The following IFRD1 variants were observed in gnomAD, a reference collection of about 807,000 sequenced individuals.
The protein encoded by IFRD1 is interferon-related developmental regulator 1.
Under a neutral mutation model 52.9 loss-of-function variants are expected in IFRD1, and 35 were observed. The ratio of observed to expected loss-of-function variants is 0.66; its 90% CI spans 0.51 to 0.88. IFRD1 has a LOEUF of 0.88. IFRD1 is among the 40% of genes least tolerant of loss of function. The probability of loss-of-function intolerance (pLI) is 0.00; values close to 1 mark genes in which losing one functional copy is unlikely to be tolerated. For synonymous variants in IFRD1, 184 were observed against 188.4 expected, an observed-to-expected ratio of 0.98 and a Z score of 0.19; for missense variants, 517 against 550.8, an observed-to-expected ratio of 0.94 and a Z score of 0.61.
At chr7:112,452,440 C>T in intron 1 of IFRD1, 1 of 982,664 alleles carries the variant, frequency 1.0e-6, no homozygotes, top group Non-Finnish European at 1.2e-6. Flanking sequence ...GGTGCCTGGT[C>T]TGAGGATATT....
chr7:112,454,262 C>T (rs889008610), intron 1 of IFRD1, among the ~76,000 whole-genome samples: 2 of 151,818 alleles, frequency 1.3e-5, no homozygotes, highest in South Asian at 2.1e-4. Flanking sequence ...GGTGCTATCT[C>T]GGCTCACTGC....
At position 112,466,190 on chromosome 7, in the gene IFRD1, G is replaced by A. The variant is rs73201477; in HGVS notation, c.907-1791G>A. Among the ~76,000 whole-genome samples the A allele has an allele frequency of 8.3e-3, 1,254 of 151,996 alleles. 12 individuals are homozygous for A. The highest frequency in any genetic ancestry group is 0.012 in the Non-Finnish European group (791 of 67,970). Reference sequence around the variant, plus strand: ...AATTATCGTAAAGTCCTATTAATAGGCTTTTGGAAGCTGTTTATGGACTTT... The same window carrying A: ...AATTATCGTAAAGTCCTATTAATAGACTTTTGGAAGCTGTTTATGGACTTT... On this transcript the variant is annotated intron_variant, in intron 8 of 11. Coordinates refer to ENST00000403825, the MANE Select transcript of IFRD1 (RefSeq NM_001550.4).
intron 1 of IFRD1, among the ~76,000 whole-genome samples, chr7:112,430,083 A>G (rs144913541): frequency 2.3e-4 from 35 of 152,302 alleles, no homozygotes; most frequent in Admixed American, 3.9e-4. Context: ...GCAGAGCCCT[A>G]AGGGCTTCTT....
At position 112,450,598 on chromosome 7, in the gene IFRD1, C is replaced by T; in HGVS notation, c.-91C>T. On this transcript the variant is annotated 5_prime_UTR_variant, in exon 1 of 12. Coordinates refer to ENST00000403825, the MANE Select transcript of IFRD1 (RefSeq NM_001550.4). ...GTTAGCCGAAGACTCGCCTCTCAGCCGCCCGCCGCACAGACGCACGAGTAA... is the reference window on the plus strand; with the variant it reads ...GTTAGCCGAAGACTCGCCTCTCAGCTGCCCGCCGCACAGACGCACGAGTAA... 9.6e-7 allele frequency: 1 copy of T among 1,036,920 alleles called. No individual in the cohort carries two copies. The highest frequency in any genetic ancestry group is 1.5e-6 in the Non-Finnish European group (1 of 665,338). 64.2% of individuals were successfully genotyped at this position (1,036,920 alleles called of 1,614,324 possible). A position where few individuals can be genotyped will look rare whatever the true frequency, so the allele number is the denominator to read the frequency against.
rs756391593 is a variant in IFRD1, at chr7:112,455,796, A to G, written c.128A>G (p.Asp43Gly). 3.1e-6 allele frequency: 5 copies of G among 1,613,142 alleles called. No individual in the cohort carries two copies. The highest frequency in any genetic ancestry group is 2.2e-5 in the East Asian group (1 of 44,858). Residue 43 changes from aspartate to glycine, a missense_variant, in exon 2 of 12, where the codon GAT becomes GGT. Physicochemically the swap from Asp to Gly is moderately conservative, Grantham distance 94. Transcript: ENST00000403825. Reference protein sequence around the residue: ...GQHRNVQPFSDEDASIETMSH... With the variant: ...GQHRNVQPFSGEDASIETMSH... ...CATCGAAATGTTCAGCCTTTTAGTG[A>G]TGAAGATGCATCAATTGAAACAATG...
At chr7:112,435,659 T>TGTGTGTGTGC (rs1404165286) in intron 1 of IFRD1, 3 of 151,122 alleles carry the variant, frequency 2.0e-5, no homozygotes, top group Admixed American at 1.3e-4. Flanking sequence ...TGTGTGTGCG[T>TGTGTGTGTGC]GCTTGTAAAA....
chr7:112,465,218 T>G (rs1795577957), intron 8 of IFRD1, among the ~76,000 whole-genome samples: 1 of 152,138 alleles, frequency 6.6e-6, no homozygotes, highest in South Asian at 2.1e-4. Context: ...ATTTTAATAT[T>G]AGGCTTTTGT....
chr7:112,469,119 A>T (rs67523617), intron 9 of IFRD1, among the ~76,000 whole-genome samples: 5 of 151,918 alleles, frequency 3.3e-5, no homozygotes, highest in Non-Finnish European at 7.4e-5. Flanking sequence ...TGTGTTTCTT[A>T]GATTATTGCT....
chr7:112,436,129 A>T (rs1172522715), intron 1 of IFRD1, among the ~76,000 whole-genome samples: 1 of 152,008 alleles, frequency 6.6e-6, no homozygotes, highest in Non-Finnish European at 1.5e-5. Context: ...GTATCTGCCC[A>T]CTTTGGCCTC....
At chr7:112,452,494 T>G (rs1367060072) in intron 1 of IFRD1, 1 of 959,606 alleles carries the variant, frequency 1.0e-6, no homozygotes, top group East Asian at 1.1e-4. Context: ...AATCAAACAT[T>G]TGAATTCTTT....
At chr7:112,449,770 A>G (rs1245858539), upstream of IFRD1, among the ~76,000 whole-genome samples, 4 of 143,216 alleles carry the variant, frequency 2.8e-5, no homozygotes, top group Non-Finnish European at 6.0e-5. Flanking sequence ...TTCCTAGTCT[A>G]GAATCTGAGA....
rs373233619 is a variant in IFRD1 at position 112,469,915 on chromosome 7, C to CT, written c.1041+1801dup. ...TTCAATGCACCTGCCTGAGAAAGGC[C>CT]TGTCCTCAGGGCTTTGCTGAGAGTT... On this transcript the variant is annotated intron_variant, in intron 9 of 11. Coordinates refer to ENST00000403825, the MANE Select transcript of IFRD1 (RefSeq NM_001550.4). 3.1e-3 allele frequency among the ~76,000 whole-genome samples: 473 copies of CT among 151,734 alleles called. 6 individuals carry two copies. The highest frequency in any genetic ancestry group is 0.011 in the African/African-American group (453 of 41,324).
chr7:112,451,166 T>C lies in IFRD1; in HGVS notation c.94+384T>C, dbSNP rs192609377. On this transcript the variant is annotated intron_variant, in intron 1 of 11. Transcript: ENST00000403825. ...GGGGAAGAACGGGGAGTTGAGCCCG[T>C]GCCGTCACTGGCCGCCTTTGACACC... is the stretch of plus-strand genomic sequence containing the variant. 1,846 of 199,832 alleles carry C rather than the reference T, an allele frequency of 9.2e-3. 25 individuals are homozygous for C. The highest frequency in any genetic ancestry group is 0.011 in the Non-Finnish European group (1,031 of 95,224). 12.4% of individuals were successfully genotyped at this position (199,832 alleles called of 1,614,324 possible).
intron 1 of IFRD1, among the ~76,000 whole-genome samples, chr7:112,431,109 C>T (rs1794538472): frequency 6.6e-6 from 1 of 152,140 alleles, no homozygotes. Flanking sequence ...TCCTGTGTAT[C>T]CTGTTGTGGC....
At chr7:112,450,445 G>T, upstream of IFRD1, 1 of 557,108 alleles carries the variant, frequency 1.8e-6, no homozygotes, top group Non-Finnish European at 3.2e-6. Flanking sequence ...AAGGCGTCGT[G>T]GCCTCCCCTG....
At chr7:112,455,888 T>G in intron 2 of IFRD1, 21 bp downstream of exon 2, 1 of 1,554,176 alleles carries the variant, frequency 6.4e-7, no homozygotes, top group Non-Finnish European at 8.9e-7. Flanking sequence ...TAAATTTAAA[T>G]TTGCAACTTT....
At chr7:112,434,543 C>A (rs4730546) in intron 1 of IFRD1, among the ~76,000 whole-genome samples, 6,252 of 152,218 alleles carry the variant, frequency 0.041, 324 homozygotes, top group African/African-American at 0.12. Flanking sequence ...ACTTTAAAAA[C>A]TGTAGAAGTT....
chr7:112,437,809 C>T (rs1794745365), intron 1 of IFRD1, among the ~76,000 whole-genome samples: 1 of 151,836 alleles, frequency 6.6e-6, no homozygotes, highest in Non-Finnish European at 1.5e-5. Context: ...CTGGGCAAAA[C>T]TGGAGGTGGG....
At position 112,475,585 on chromosome 7, in the gene IFRD1, C is replaced by T. The variant is rs1795881355; in HGVS notation, c.*66C>T. ...TTTTCTATTTCAATGTATTTAAACT[C>T]TAGACACAGTTTTTATCCTGGATTA... On this transcript the variant is annotated 3_prime_UTR_variant, in exon 12 of 12. Coordinates refer to ENST00000403825, the MANE Select transcript of IFRD1 (RefSeq NM_001550.4). 2 of 954,492 alleles carry T rather than the reference C, an allele frequency of 2.1e-6. No homozygotes were observed. Among genetic ancestry groups the T allele is most frequent in the Non-Finnish European group, 3.3e-6 (2 of 612,428 alleles). 59.1% of individuals were successfully genotyped at this position (954,492 alleles called of 1,614,324 possible).
Sources: gnomAD v4.1 joint callset for allele counts (sites outside exome capture counted in the v4.1 genomes callset) on GRCh38, gnomAD v4.1.1 for gene constraint, MANE v1.5 for transcripts, NCBI Gene and HGNC (gene_info 2026-07-23, HGNC 2026-07-21) for gene names.